The following FAM13B variants were observed in gnomAD, a reference collection of about 807,000 sequenced individuals.
FAM13B encodes family with sequence similarity 13 member B.
A neutral mutation model predicts 117.3 loss-of-function variants in FAM13B; 60 were observed. That is an observed-to-expected ratio of 0.51 (90% confidence interval 0.42 to 0.63). The LOEUF (loss-of-function observed/expected upper bound fraction) is 0.63, where lower values mean the gene tolerates loss of function less well. Ranked by LOEUF, FAM13B falls within the 30% of genes least tolerant of loss-of-function variation. FAM13B has a pLI of 0.00. For missense variants in FAM13B, 972 were observed against 1,091.9 expected (o/e 0.89, Z 1.55); for synonymous variants, 332 against 356.1 (o/e 0.93, Z 0.76).
rs551901768 is a variant in FAM13B, at chr5:138,023,227, C to T, written c.-202-2030G>A. ...CTATGAATTCATCAGTAAAAATTTA[C>T]CCTTGATACTAGGAAAACAATCGGA... On this transcript the variant is annotated intron_variant, in intron 1 of 23. Coordinates refer to ENST00000689681, the MANE Select transcript of FAM13B (RefSeq NM_001385994.1). Among the ~76,000 whole-genome samples the T allele has an allele frequency of 3.3e-5, 5 of 152,240 alleles. No homozygotes were observed. The South Asian group carries it at 1.0e-3, about 32-fold the overall frequency.
intron 18 of FAM13B, among the ~76,000 whole-genome samples, chr5:137,947,775 G>A (rs1763845128): frequency 6.6e-6 from 1 of 151,988 alleles, no homozygotes; most frequent in Non-Finnish European, 1.5e-5. Flanking sequence ...AGTAGAGATG[G>A]GGTTTCATCA....
chr5:137,938,707 CTATT>C lies in FAM13B; in HGVS notation c.*1514_*1517del, dbSNP rs960891243. On this transcript the variant is annotated 3_prime_UTR_variant, in exon 24 of 24. Coordinates refer to ENST00000689681, the MANE Select transcript of FAM13B (RefSeq NM_001385994.1). Reference sequence around the variant, plus strand: ...GGTGAAATGTGAAGTACTAGAACTGCTATTTATTATCAAACTACTTCATGTGCTT... The same window carrying C: ...GGTGAAATGTGAAGTACTAGAACTGCTATTATCAAACTACTTCATGTGCTT... 1 of 151,348 alleles carries C rather than the reference CTATT, an allele frequency of 6.6e-6. No homozygotes were observed. Among genetic ancestry groups the C allele is most frequent in the African/African-American group, 2.4e-5 (1 of 41,132 alleles). 9.4% of individuals were successfully genotyped at this position (151,348 alleles called of 1,614,324 possible).
At chr5:138,001,570 C>T (rs1220594053) in intron 7 of FAM13B, among the ~76,000 whole-genome samples, 1 of 152,164 alleles carries the variant, frequency 6.6e-6, no homozygotes, top group African/African-American at 2.4e-5. Flanking sequence ...CTGTAGCAGG[C>T]ACTATCCTAA....
chr5:138,021,162 G>A lies in FAM13B; in HGVS notation c.-167C>T. 2 of 1,231,656 alleles carry A rather than the reference G, an allele frequency of 1.6e-6. No homozygotes were observed. Among genetic ancestry groups the A allele is most frequent in the Non-Finnish European group, 2.0e-6 (2 of 987,920 alleles). The allele number at this position is 1,231,656 out of a possible 1,614,324, so 76.3% of individuals were successfully genotyped here. On this transcript the variant is annotated 5_prime_UTR_variant, in exon 2 of 24. Coordinates refer to ENST00000689681, the MANE Select transcript of FAM13B (RefSeq NM_001385994.1). ...GATCAGCCTGTAGTTCCTCATTGAA[G>A]AAATGCAGAACTCGATCAGTACTTC...
At chr5:138,013,097 G>A (rs963301330) in intron 4 of FAM13B, among the ~76,000 whole-genome samples, 2 of 152,150 alleles carry the variant, frequency 1.3e-5, no homozygotes, top group Non-Finnish European at 2.9e-5. Context: ...CAGCTACTCA[G>A]GAGGCTGAGG....
intron 10 of FAM13B, among the ~76,000 whole-genome samples, chr5:137,979,298 C>A (rs532925614): frequency 6.6e-6 from 1 of 152,264 alleles, no homozygotes; most frequent in East Asian, 1.9e-4. Flanking sequence ...CAGGCATGAG[C>A]CACCATGCCC....
chr5:137,953,315 T>G, intron 16 of FAM13B, 21 bp downstream of exon 16: 1 of 1,612,846 alleles, frequency 6.2e-7, no homozygotes, highest in Non-Finnish European at 8.5e-7. Context: ...AAGCTCACTC[T>G]GGGGAATGCT....
In FAM13B at chr5:137,946,222, TATTACCGGCC is replaced by T; in HGVS notation, c.2240_2244+5del. 6.3e-7 allele frequency: 1 copy of T among 1,576,228 alleles called. No homozygotes were observed. The highest frequency in any genetic ancestry group is 8.6e-7 in the Non-Finnish European group (1 of 1,164,312). On this transcript the variant is annotated splice_donor_variant and splice_donor_5th_base_variant and coding_sequence_variant and intron_variant, in exon 19 of 24. Transcript: ENST00000689681. LOFTEE classifies it high-confidence loss of function. ...AATCAAATCTTTTTAGCAAGAGAGA[TATTACCGGCC>T]TTCCATGTTGACTTTCATAGTAAAG...
chr5:138,019,290 C>CA (rs568026470), intron 2 of FAM13B, 144 bp from the exon 3 acceptor site: 150 of 662,838 alleles, frequency 2.3e-4, no homozygotes, highest in Admixed American at 4.8e-4. Flanking sequence ...GTGTGTTCTA[C>CA]AGATGAAGTT....
At chr5:138,025,313 A>ATTTTT (rs869194123) in intron 1 of FAM13B, among the ~76,000 whole-genome samples, 9 of 111,230 alleles carry the variant, frequency 8.1e-5, no homozygotes, top group Non-Finnish European at 1.1e-4. Flanking sequence ...ATATATATGT[A>ATTTTT]TTTTTTTTTT....
At chr5:137,943,412 T>C (rs1421597377) in intron 20 of FAM13B, among the ~76,000 whole-genome samples, 196 bp from the exon 21 acceptor site, 1 of 152,202 alleles carries the variant, frequency 6.6e-6, no homozygotes, top group African/African-American at 2.4e-5. Context: ...ATAATTTATG[T>C]CTAGAAAAGT....
At chr5:137,996,666 A>G (rs1045146723) in intron 7 of FAM13B, among the ~76,000 whole-genome samples, 4 of 151,834 alleles carry the variant, frequency 2.6e-5, no homozygotes, top group Non-Finnish European at 5.9e-5. Flanking sequence ...ATCTCAGCTC[A>G]CTGAAACCTC....
At chr5:137,940,807 C>T (rs996976965) in intron 23 of FAM13B, among the ~76,000 whole-genome samples, 15 of 152,180 alleles carry the variant, frequency 9.9e-5, no homozygotes, top group African/African-American at 2.9e-4. Flanking sequence ...TCAGTTTAAT[C>T]GCTAGCTAAA....
At chr5:137,941,074 T>A (rs1761625475) in intron 23 of FAM13B, among the ~76,000 whole-genome samples, 1 of 151,928 alleles carries the variant, frequency 6.6e-6, no homozygotes, top group South Asian at 2.1e-4. Flanking sequence ...CCTGCCTAAT[T>A]TTTTTTGTAT....
Position 137,940,045 on chromosome 5 carries a change from C to T in FAM13B, c.*180G>A. On this transcript the variant is annotated 3_prime_UTR_variant, in exon 24 of 24. Coordinates refer to ENST00000689681, the MANE Select transcript of FAM13B (RefSeq NM_001385994.1). ...GTTAATATGGAACATCACTTACGCT[C>T]CCTTGAGAGGGCCTACTTACTCTCC... 6.2e-7 allele frequency: 1 copy of T among 1,613,656 alleles called. No homozygotes were observed. The highest frequency in any genetic ancestry group is 8.5e-7 in the Non-Finnish European group (1 of 1,179,752).
At chr5:138,016,648 C>T (rs565133375) in intron 4 of FAM13B, among the ~76,000 whole-genome samples, 13 of 152,070 alleles carry the variant, frequency 8.5e-5, no homozygotes, top group African/African-American at 3.1e-4. Context: ...ACAACAACAA[C>T]GAATAAATGA....
intron 1 of FAM13B, among the ~76,000 whole-genome samples, chr5:138,024,546 T>C (rs1434861161): frequency 7.2e-6 from 1 of 139,416 alleles, no homozygotes; most frequent in African/African-American, 2.7e-5. Flanking sequence ...TCCTAGAAAA[T>C]GAATGCAACA....
intron 7 of FAM13B, among the ~76,000 whole-genome samples, chr5:137,995,978 T>C (rs1779761068): frequency 6.6e-6 from 1 of 152,094 alleles, no homozygotes; most frequent in Non-Finnish European, 1.5e-5. Flanking sequence ...ATATTGAAAA[T>C]GTGAACTGAT....
At chr5:137,993,618 TA>T (rs994836890) in intron 7 of FAM13B, among the ~76,000 whole-genome samples, 6 of 149,110 alleles carry the variant, frequency 4.0e-5, no homozygotes, top group African/African-American at 9.9e-5. Flanking sequence ...TCGTATCTAC[TA>T]AAAAAAAATA....
Sources: gnomAD v4.1 joint callset for allele counts (sites outside exome capture counted in the v4.1 genomes callset) on GRCh38, gnomAD v4.1.1 for gene constraint, MANE v1.5 for transcripts, NCBI Gene and HGNC (gene_info 2026-07-23, HGNC 2026-07-21) for gene names.